TTC7B: variants seen among roughly 807,000 people sequenced by gnomAD.
TTC7B encodes the protein tetratricopeptide repeat protein 7B.
TTC7B carries 28 observed loss-of-function variants against 106.8 expected under a neutral mutation model. The observed-to-expected ratio is 0.26, with a 90% confidence interval of 0.19 to 0.36. The LOEUF is 0.36. Ranked by LOEUF, TTC7B falls within the 10% of genes least tolerant of loss-of-function variation. The probability of loss-of-function intolerance (pLI) is 1.00; values close to 1 mark genes in which losing one functional copy is unlikely to be tolerated. For missense variants in TTC7B, 862 were observed against 1,076.4 expected (o/e 0.80, Z 2.79); for synonymous variants, 405 against 430.6 (o/e 0.94, Z 0.74).
rs530158450 is a variant in TTC7B at position 90,641,231 on chromosome 14, T to C, written c.1751+2817A>G. ...AACAGCAAGTTTTATCATTTCATGGTGACAGGAATGTAACGCTGGAGGGAC... is the reference window on the plus strand; with the variant it reads ...AACAGCAAGTTTTATCATTTCATGGCGACAGGAATGTAACGCTGGAGGGAC... On this transcript the variant is annotated intron_variant, in intron 15 of 19. Transcript: ENST00000328459. Among the ~76,000 whole-genome samples, 4 of 152,322 alleles carry C rather than the reference T, an allele frequency of 2.6e-5. No homozygotes were observed. In the East Asian group the frequency reaches 7.7e-4, roughly 29 times the overall value.
intron 3 of TTC7B, 84 bp from the exon 4 acceptor site, chr14:90,745,006 G>A (rs964379757): frequency 2.1e-5 from 28 of 1,325,574 alleles, no homozygotes; most frequent in African/African-American, 4.4e-5. Context: ...AGGGCCAGAA[G>A]ATGGCTGTAG....
At chr14:90,812,065 A>T (rs1224717175) in intron 1 of TTC7B, among the ~76,000 whole-genome samples, 2 of 151,994 alleles carry the variant, frequency 1.3e-5, no homozygotes, top group Non-Finnish European at 2.9e-5. Flanking sequence ...GCTGCAGGGA[A>T]CCAACCCCAT....
At chr14:90,729,580 C>A (rs578154440) in intron 5 of TTC7B, among the ~76,000 whole-genome samples, 1 of 152,230 alleles carries the variant, frequency 6.6e-6, no homozygotes, top group African/African-American at 2.4e-5. Flanking sequence ...CTGTCCCTCC[C>A]GTTCATGTCC....
At chr14:90,713,017 G>A (rs372508228) in intron 5 of TTC7B, among the ~76,000 whole-genome samples, 97 of 152,174 alleles carry the variant, frequency 6.4e-4, no homozygotes, top group African/African-American at 2.2e-3. Context: ...GCAATCCAAC[G>A]TGAAAAGAAC....
intron 19 of TTC7B, among the ~76,000 whole-genome samples, chr14:90,545,586 G>A (rs1399847021): frequency 1.3e-5 from 2 of 152,234 alleles, no homozygotes; most frequent in Non-Finnish European, 2.9e-5. Context: ...GGTGAGATGT[G>A]GAGACCAGGA....
rs574608945 is a variant in TTC7B, at chr14:90,573,569, C to T, written c.2310+4537G>A. On this transcript the variant is annotated intron_variant, in intron 19 of 19. Transcript: ENST00000328459. ...CCCTCTCCGGCTCACGGTCCCTCTC[C>T]GGCTCACGGTCCCTCTCCGGCTCAC... Among the ~76,000 whole-genome samples, 346 of 138,110 alleles carry T rather than the reference C, an allele frequency of 2.5e-3. 17 individuals are homozygous for T. The highest frequency in any genetic ancestry group is 9.1e-3 in the African/African-American group (321 of 35,454). The allele number at this position is 138,110 out of a possible 152,430, so 90.6% of individuals were successfully genotyped here.
chr14:90,634,669 G>A (rs36073406), intron 15 of TTC7B, among the ~76,000 whole-genome samples: 29,097 of 151,966 alleles, frequency 0.19, 3,459 homozygotes, highest in Admixed American at 0.26. Context: ...CTACTCGGGC[G>A]GTCGAGGCAC....
intron 5 of TTC7B, among the ~76,000 whole-genome samples, chr14:90,714,555 CAA>C (rs1888580651): frequency 6.6e-6 from 1 of 151,334 alleles, no homozygotes; most frequent in Non-Finnish European, 1.5e-5. Context: ...CTCCCGGGTT[CAA>C]GAGATTCTCC....
At chr14:90,699,324 A>G (rs1887892340) in intron 5 of TTC7B, 1 of 419,902 alleles carries the variant, frequency 2.4e-6, no homozygotes. Context: ...CATGAGAATC[A>G]TTTCAGCTTG....
chr14:90,628,194 A>G (rs770891286), intron 15 of TTC7B, among the ~76,000 whole-genome samples: 1 of 152,240 alleles, frequency 6.6e-6, no homozygotes, highest in Non-Finnish European at 1.5e-5. Flanking sequence ...TGCTAAGTAC[A>G]TACGTGAACA....
At chr14:90,770,074 A>T (rs1024637915) in intron 3 of TTC7B, among the ~76,000 whole-genome samples, 3 of 152,190 alleles carry the variant, frequency 2.0e-5, no homozygotes, top group Non-Finnish European at 4.4e-5. Flanking sequence ...TCTTGAGCCC[A>T]GGAGTTCAAA....
intron 7 of TTC7B, among the ~76,000 whole-genome samples, chr14:90,685,849 T>A (rs1887233661): frequency 6.6e-6 from 1 of 150,444 alleles, no homozygotes; most frequent in African/African-American, 2.4e-5. Context: ...AATTAGCATT[T>A]AAAAAAAAAC....
chr14:90,732,576 C>T (rs1414472273), intron 4 of TTC7B, among the ~76,000 whole-genome samples: 1 of 152,136 alleles, frequency 6.6e-6, no homozygotes, highest in Non-Finnish European at 1.5e-5. Flanking sequence ...TGAGGTTTCA[C>T]CATGCTGCCC....
rs547383760 is a variant in TTC7B, at chr14:90,621,353, G to A, written c.1752-3308C>T. ...GGGCAGAGGCCACGCGGGTACGGCC[G>A]GGACGATGGGCAGAGGCCACGCGGG... On this transcript the variant is annotated intron_variant, in intron 15 of 19. Coordinates refer to ENST00000328459, the MANE Select transcript of TTC7B (RefSeq NM_001010854.2). Among the ~76,000 whole-genome samples the A allele has an allele frequency of 5.3e-5, 8 of 152,102 alleles. No individual in the cohort carries two copies. The East Asian group carries it at 9.7e-4, about 18-fold the overall frequency.
intron 9 of TTC7B, among the ~76,000 whole-genome samples, chr14:90,659,448 AAG>A (rs890724249): frequency 7.2e-5 from 11 of 152,164 alleles, no homozygotes; most frequent in Non-Finnish European, 1.5e-4. Context: ...CATTTGAGAA[AAG>A]AGCTGAAGTT....
chr14:90,609,250 C>T (rs916358391), intron 17 of TTC7B, among the ~76,000 whole-genome samples: 1 of 152,220 alleles, frequency 6.6e-6, no homozygotes, highest in Non-Finnish European at 1.5e-5. Flanking sequence ...TTCTCCATGG[C>T]TCAGTCCACA....
At chr14:90,749,402 CTTTTT>C (rs3085716) in intron 3 of TTC7B, among the ~76,000 whole-genome samples, 22 of 117,182 alleles carry the variant, frequency 1.9e-4, no homozygotes, top group Admixed American at 2.7e-4. Flanking sequence ...AATAATTTTT[CTTTTT>C]TTTTTTTTTT....
At position 90,730,062 on chromosome 14, in the gene TTC7B, G is replaced by A; in HGVS notation, c.698+13C>T. The A allele has an allele frequency of 1.3e-6, 2 of 1,593,952 alleles. No individual in the cohort carries two copies. Among genetic ancestry groups the A allele is most frequent in the African/African-American group, 1.4e-5 (1 of 73,592 alleles). On this transcript the variant is annotated intron_variant, in intron 5 of 19. Transcript: ENST00000328459. ...CTTTAGGAAGTGGATTTAAAAAAAT[G>A]AAGATGGCTTACCCATTTTTGAAAT...
chr14:90,637,404 A>AC (rs71117366), intron 15 of TTC7B, among the ~76,000 whole-genome samples: 24 of 151,086 alleles, frequency 1.6e-4, no homozygotes, highest in Non-Finnish European at 1.9e-4. Flanking sequence ...ACAGAGAAAA[A>AC]CCCCCCCCCA....
Sources: allele counts gnomAD v4.1 joint callset (sites outside exome capture counted in the v4.1 genomes callset), GRCh38; gene constraint gnomAD v4.1.1; transcripts MANE v1.5; gene names NCBI Gene and HGNC (gene_info 2026-07-23, HGNC 2026-07-21).